CPED1: variants seen among roughly 807,000 people sequenced by gnomAD.
CPED1 encodes cadherin like and PC-esterase domain containing 1, also known as cadherin-like and PC-esterase domain-containing protein 1.
A neutral mutation model predicts 128.2 loss-of-function variants in CPED1; 114 were observed. That is an observed-to-expected ratio of 0.89 (90% confidence interval 0.76 to 1.04). The LOEUF is 1.04. Among genes scored for constraint, CPED1 ranks in the 50% least tolerant of loss-of-function variants. CPED1 has a pLI of 0.00. For missense variants in CPED1, 1,211 were observed against 1,207.1 expected, an observed-to-expected ratio of 1.00 and a Z score of -0.05; for synonymous variants, 462 against 426.7, an observed-to-expected ratio of 1.08 and a Z score of -1.02.
rs200916755 is a variant in CPED1, at chr7:121,120,993, A to C, written c.919-3338A>C. Among the ~76,000 whole-genome samples, 178 of 149,944 alleles carry C rather than the reference A, an allele frequency of 1.2e-3. 6 individuals are homozygous for C. The East Asian group carries it at 0.03, about 26-fold the overall frequency. On this transcript the variant is annotated intron_variant, in intron 7 of 22. Transcript: ENST00000310396. ...AAAAAAAAAAAAAAAAAAAACAAAA[A>C]AACTCACAGTCTAGCAGAAAGAGCA... is the stretch of plus-strand genomic sequence containing the variant.
At chr7:121,029,708 A>G (rs1411549461) in intron 3 of CPED1, among the ~76,000 whole-genome samples, 6 of 152,220 alleles carry the variant, frequency 3.9e-5, no homozygotes, top group Admixed American at 3.3e-4. Context: ...TTTCTACTTT[A>G]TAATCGTACA....
chr7:121,167,348 G>A (rs1015388891), intron 16 of CPED1, among the ~76,000 whole-genome samples: 3 of 152,164 alleles, frequency 2.0e-5, no homozygotes, highest in African/African-American at 7.2e-5. Flanking sequence ...TAGAAGTGAG[G>A]AAGAACCCTG....
intron 22 of CPED1, among the ~76,000 whole-genome samples, chr7:121,294,806 C>CAAA (rs752742828): frequency 1.6e-5 from 1 of 61,416 alleles, no homozygotes; most frequent in Non-Finnish European, 3.5e-5. Flanking sequence ...GCCTTCTAAG[C>CAAA]AAAAAAAAAA....
intron 5 of CPED1, among the ~76,000 whole-genome samples, chr7:121,097,471 A>G (rs757399406): frequency 6.6e-6 from 1 of 152,302 alleles, no homozygotes; most frequent in South Asian, 2.1e-4. Context: ...AATGAAATCA[A>G]TTATTACAGT....
intron 3 of CPED1, among the ~76,000 whole-genome samples, chr7:121,042,245 A>G (rs565271015): frequency 6.6e-6 from 1 of 152,290 alleles, no homozygotes; most frequent in East Asian, 1.9e-4. Context: ...CCTTTTATAT[A>G]GGAAGATTTA....
intron 16 of CPED1, among the ~76,000 whole-genome samples, chr7:121,190,632 G>C (rs1234173200): frequency 6.6e-6 from 1 of 152,038 alleles, no homozygotes; most frequent in African/African-American, 2.4e-5. Context: ...AGTAAAATTA[G>C]AGAGGCAATG....
intron 5 of CPED1, among the ~76,000 whole-genome samples, chr7:121,065,995 C>T (rs536881740): frequency 2.0e-5 from 3 of 152,032 alleles, no homozygotes; most frequent in African/African-American, 7.2e-5. Context: ...TTTTATAAAG[C>T]GTAGCTTTTG....
At chr7:121,110,787 T>A (rs1005533242) in intron 7 of CPED1, among the ~76,000 whole-genome samples, 1 of 152,224 alleles carries the variant, frequency 6.6e-6, no homozygotes, top group African/African-American at 2.4e-5. Context: ...AAGCCCATTC[T>A]GCTGCTTTGT....
chr7:121,253,102 C>G (rs1163150147), intron 18 of CPED1, among the ~76,000 whole-genome samples: 1 of 151,908 alleles, frequency 6.6e-6, no homozygotes, highest in Non-Finnish European at 1.5e-5. Flanking sequence ...GAAAATGTGG[C>G]ACATATACAC....
intron 3 of CPED1, among the ~76,000 whole-genome samples, chr7:121,036,509 T>TATATA (rs1563000433): frequency 3.5e-5 from 4 of 115,534 alleles, no homozygotes; most frequent in Non-Finnish European, 5.2e-5. Context: ...ATATATATAT[T>TATATA]TTTTTTTTCT....
intron 16 of CPED1, among the ~76,000 whole-genome samples, chr7:121,192,292 G>C (rs1482453330): frequency 2.6e-5 from 4 of 152,052 alleles, no homozygotes; most frequent in Non-Finnish European, 5.9e-5. Context: ...AACTTTTTGA[G>C]TACTGACATG....
intron 18 of CPED1, among the ~76,000 whole-genome samples, chr7:121,258,993 G>A (rs1397479582): frequency 6.6e-6 from 1 of 152,034 alleles, no homozygotes; most frequent in Non-Finnish European, 1.5e-5. Flanking sequence ...TTTGGCCAGG[G>A]CATTGAGAAC....
At chr7:121,142,198 G>A in intron 16 of CPED1, 57 bp downstream of exon 16, 1 of 1,369,006 alleles carries the variant, frequency 7.3e-7, no homozygotes, top group Non-Finnish European at 1.0e-6. Context: ...GTTAACCCAG[G>A]CGGAAAATGC....
chr7:121,129,111 T>G (rs898475630), intron 11 of CPED1, among the ~76,000 whole-genome samples: 1 of 151,500 alleles, frequency 6.6e-6, no homozygotes. Flanking sequence ...TTGTTTTCTT[T>G]CCAGTTCTGA....
At chr7:121,137,402 A>G (rs1447548988) in intron 14 of CPED1, among the ~76,000 whole-genome samples, 1 of 151,944 alleles carries the variant, frequency 6.6e-6, no homozygotes, top group East Asian at 1.9e-4. Context: ...TGAGTTCCTG[A>G]TCTCAAGTGG....
At chr7:121,027,636 T>TA (rs777590283) in intron 3 of CPED1, among the ~76,000 whole-genome samples, 3 of 151,870 alleles carry the variant, frequency 2.0e-5, no homozygotes, top group Non-Finnish European at 2.9e-5. Context: ...CACATCCCCC[T>TA]ACCCCTAGTG....
chr7:121,032,660 T>C (rs1176649573), intron 3 of CPED1, among the ~76,000 whole-genome samples: 1 of 151,928 alleles, frequency 6.6e-6, no homozygotes, highest in Admixed American at 6.6e-5. Context: ...GGCACATGTA[T>C]ACTTACGTAA....
intron 5 of CPED1, among the ~76,000 whole-genome samples, chr7:121,091,606 G>A (rs1237194471): frequency 6.6e-6 from 1 of 152,116 alleles, no homozygotes; most frequent in Non-Finnish European, 1.5e-5. Context: ...TAGCAACTGT[G>A]TAACACTTCT....
intron 18 of CPED1, among the ~76,000 whole-genome samples, chr7:121,259,287 T>A (rs10274324): frequency 4.0e-4 from 61 of 151,950 alleles, no homozygotes; most frequent in Admixed American, 3.1e-3. Flanking sequence ...AGGATCATAC[T>A]TCATATACCT....
Sources: gnomAD v4.1 joint callset for allele counts (sites outside exome capture counted in the v4.1 genomes callset) on GRCh38, gnomAD v4.1.1 for gene constraint, MANE v1.5 for transcripts, NCBI Gene and HGNC (gene_info 2026-07-23, HGNC 2026-07-21) for gene names.